The following HPCAL1 variants were observed in gnomAD, a reference collection of about 807,000 sequenced individuals.
The protein encoded by HPCAL1 is hippocalcin-like protein 1.
A neutral mutation model predicts 17.1 loss-of-function variants in HPCAL1; 8 were observed. The observed-to-expected ratio is 0.47, with a 90% CI of 0.27 to 0.84. The LOEUF (loss-of-function observed/expected upper bound fraction) is 0.84, where lower values mean the gene tolerates loss of function less well. Ranked by LOEUF, HPCAL1 falls within the 40% of genes least tolerant of loss-of-function variation. The probability of loss-of-function intolerance (pLI) is 0.13; values close to 1 mark genes in which losing one functional copy is unlikely to be tolerated. For synonymous variants in HPCAL1, 112 were observed against 111.4 expected (o/e 1.01, Z -0.03); for missense variants, 165 against 271.1 (o/e 0.61, Z 2.75).
chr2:10,427,149 A>C lies in HPCAL1; in HGVS notation c.*328A>C, dbSNP rs1671469895. On this transcript the variant is annotated 3_prime_UTR_variant, in exon 5 of 5. Coordinates refer to ENST00000307845, the MANE Select transcript of HPCAL1 (RefSeq NM_002149.4). ...CGAGGAGACCAGGCAGGACCTCCCG[A>C]GGCTGCGCCCCGGCCGGCCCATGCG... 3.5e-6 allele frequency: 1 copy of C among 288,278 alleles called. No individual in the cohort carries two copies. Among genetic ancestry groups the C allele is most frequent in the Non-Finnish European group, 6.6e-6 (1 of 150,528 alleles). 17.9% of individuals were successfully genotyped at this position (288,278 alleles called of 1,614,324 possible).
chr2:10,320,395 C>T (rs1228245396), intron 1 of HPCAL1, among the ~76,000 whole-genome samples: 4 of 152,088 alleles, frequency 2.6e-5, no homozygotes, highest in Non-Finnish European at 5.9e-5. Context: ...TGAGTTCTCA[C>T]GAGATCTGGT....
At chr2:10,309,041 CT>C (rs35367502) in intron 1 of HPCAL1, among the ~76,000 whole-genome samples, 34 of 147,582 alleles carry the variant, frequency 2.3e-4, no homozygotes, top group South Asian at 4.3e-4. Flanking sequence ...TCTTAACAAA[CT>C]TTTTTTTTTT....
At chr2:10,312,439 C>T (rs1663043282) in intron 1 of HPCAL1, among the ~76,000 whole-genome samples, 1 of 151,146 alleles carries the variant, frequency 6.6e-6, no homozygotes, top group Non-Finnish European at 1.5e-5. Context: ...TCATCACTAT[C>T]ATCATTATCA....
Position 10,424,799 on chromosome 2 carries a change from A to T in HPCAL1, c.484+1711A>T, listed in dbSNP as rs3771120. On this transcript the variant is annotated intron_variant, in intron 4 of 4. Coordinates refer to ENST00000307845, the MANE Select transcript of HPCAL1 (RefSeq NM_002149.4). Reference sequence around the variant, plus strand: ...TTCAGGGAGTGGTCCTCGGCCCTCAAAGCTCCTCCGGGGACTGCTCAGGAG... The same window carrying T: ...TTCAGGGAGTGGTCCTCGGCCCTCATAGCTCCTCCGGGGACTGCTCAGGAG... The T allele has an allele frequency of 6.9e-3, 2,568 of 371,072 alleles. 76 individuals are homozygous for T. The highest frequency in any genetic ancestry group is 0.051 in the African/African-American group (2,414 of 47,608). The allele number at this position is 371,072 out of a possible 1,614,324, so 23.0% of individuals were successfully genotyped here.
chr2:10,360,123 C>T (rs547567457), intron 1 of HPCAL1, among the ~76,000 whole-genome samples: 10 of 152,310 alleles, frequency 6.6e-5, no homozygotes, highest in African/African-American at 2.2e-4. Flanking sequence ...TCCTCATTCC[C>T]CCTGGGTAGA....
At chr2:10,372,769 G>A (rs73914063) in intron 1 of HPCAL1, among the ~76,000 whole-genome samples, 1,544 of 152,364 alleles carry the variant, frequency 0.01, 38 homozygotes, top group African/African-American at 0.035. Context: ...GGTGACAGCT[G>A]TTCCTGTTCC....
rs118059699 is a variant in HPCAL1, at chr2:10,309,859, C to T, written c.-111+6682C>T. ...CAGAAATTGTATACCCATTGTACGC[C>T]AGGTAGATCACAAATGACCGTTCTC... On this transcript the variant is annotated intron_variant, in intron 1 of 4. Coordinates refer to ENST00000307845, the MANE Select transcript of HPCAL1 (RefSeq NM_002149.4). Among the ~76,000 whole-genome samples the T allele has an allele frequency of 5.9e-3, 902 of 152,234 alleles. 59 individuals are homozygous for T. In the South Asian group the frequency reaches 0.16, roughly 27 times the overall value.
At chr2:10,389,749 G>C (rs1186248724) in intron 1 of HPCAL1, among the ~76,000 whole-genome samples, 1 of 152,214 alleles carries the variant, frequency 6.6e-6, no homozygotes, top group African/African-American at 2.4e-5. Context: ...ATGGGACTCT[G>C]TTGTGACTGT....
intron 1 of HPCAL1, among the ~76,000 whole-genome samples, chr2:10,374,223 C>T (rs1438201721): frequency 2.6e-5 from 4 of 151,978 alleles, no homozygotes; most frequent in Non-Finnish European, 5.9e-5. Flanking sequence ...AACGCCAGAG[C>T]CCTGGGACAA....
chr2:10,334,695 C>CTTTTTTTTTTTTTTTTTT (rs553228833), intron 1 of HPCAL1, among the ~76,000 whole-genome samples: 6 of 146,328 alleles, frequency 4.1e-5, no homozygotes, highest in East Asian at 1.9e-4. Context: ...ATTCCATTGA[C>CTTTTTTTTTTTTTTTTTT]TTTTTTTTGA....
chr2:10,335,420 C>T lies in HPCAL1; in HGVS notation c.-111+32243C>T, dbSNP rs548645967. On this transcript the variant is annotated intron_variant, in intron 1 of 4. Coordinates refer to ENST00000307845, the MANE Select transcript of HPCAL1 (RefSeq NM_002149.4). ...GTGAGCTTGGAAGCAGATCTCCATCCGCTCCCCACTCCCAGCTGAGCCTTC... is the reference window on the plus strand; with the variant it reads ...GTGAGCTTGGAAGCAGATCTCCATCTGCTCCCCACTCCCAGCTGAGCCTTC... Among the ~76,000 whole-genome samples, 14 of 152,266 alleles carry T rather than the reference C, an allele frequency of 9.2e-5. No homozygotes were observed. In the East Asian group the frequency reaches 1.2e-3, roughly 13 times the overall value.
intron 2 of HPCAL1, among the ~76,000 whole-genome samples, chr2:10,407,840 C>G (rs975793498): frequency 6.6e-6 from 1 of 152,176 alleles, no homozygotes; most frequent in African/African-American, 2.4e-5. Flanking sequence ...CCCAGGAGCT[C>G]CCAGTCTAAT....
At chr2:10,308,319 A>C (rs1360081552) in intron 1 of HPCAL1, among the ~76,000 whole-genome samples, 1 of 152,166 alleles carries the variant, frequency 6.6e-6, no homozygotes, top group South Asian at 2.1e-4. Flanking sequence ...TGTACAGTTT[A>C]ATGATTTTCA....
rs553228833 is a variant in HPCAL1, at chr2:10,334,695, C to CTTTTTTTTTTTTTTTTTTT, written c.-111+31526_-111+31527insTTTTTTTTTTTTTTTTTTT. ...TAACTGCTGTATACAATTCCATTGACTTTTTTTTGAGGCAGGGTCTCGCTC... is the reference window on the plus strand; with the variant it reads ...TAACTGCTGTATACAATTCCATTGACTTTTTTTTTTTTTTTTTTTTTTTTTTTGAGGCAGGGTCTCGCTC... On this transcript the variant is annotated intron_variant, in intron 1 of 4. Transcript: ENST00000307845. Among the ~76,000 whole-genome samples, 4 of 146,422 alleles carry CTTTTTTTTTTTTTTTTTTT rather than the reference C, an allele frequency of 2.7e-5. No homozygotes were observed. The East Asian group carries it at 5.9e-4, about 21-fold the overall frequency.
chr2:10,317,773 G>C (rs962346003), intron 1 of HPCAL1, among the ~76,000 whole-genome samples: 9 of 152,222 alleles, frequency 5.9e-5, no homozygotes, highest in Admixed American at 5.2e-4. Flanking sequence ...GGGGATGCAA[G>C]ATAGAGCAAG....
chr2:10,395,213 T>G lies in HPCAL1; in HGVS notation c.-110-1622T>G, dbSNP rs1412945769. On this transcript the variant is annotated intron_variant, in intron 1 of 4. Transcript: ENST00000307845. The surrounding 1 kb of genome is among the most constrained non-coding windows in gnomAD (Gnocchi z 4.4). ...AGTGAGAATTTCTGGTGGGAAGATG[T>G]ATGACTTTGTCAGGTCTTGAATTCT... is the stretch of plus-strand genomic sequence containing the variant. Among the ~76,000 whole-genome samples, 1 of 152,110 alleles carries G rather than the reference T, an allele frequency of 6.6e-6. No homozygotes were observed. The highest frequency in any genetic ancestry group is 2.4e-5 in the African/African-American group (1 of 41,410).
In HPCAL1 at chr2:10,363,825, C is replaced by T. The variant is rs571147560; in HGVS notation, c.-110-33010C>T. On this transcript the variant is annotated intron_variant, in intron 1 of 4. Coordinates refer to ENST00000307845, the MANE Select transcript of HPCAL1 (RefSeq NM_002149.4). This position sits in a 1 kb window ranked among gnomAD's most constrained non-coding sequence, Gnocchi z 4.7. ...GATGAGTTATTTCCCATCTCTGAGCCTTGGTTCTCTGGTCTGTTAAGTGGC... is the reference window on the plus strand; with the variant it reads ...GATGAGTTATTTCCCATCTCTGAGCTTTGGTTCTCTGGTCTGTTAAGTGGC... Among the ~76,000 whole-genome samples, 5 of 152,346 alleles carry T rather than the reference C, an allele frequency of 3.3e-5. No individual in the cohort carries two copies. In the East Asian group the frequency reaches 9.7e-4, roughly 29 times the overall value.
chr2:10,364,246 C>G, intron 1 of HPCAL1, among the ~76,000 whole-genome samples: 1 of 152,224 alleles, frequency 6.6e-6, no homozygotes, highest in South Asian at 2.1e-4. Flanking sequence ...CCCAGAGCCC[C>G]CACTTCTGCC....
chr2:10,356,758 C>T (rs1220374142), intron 1 of HPCAL1, among the ~76,000 whole-genome samples: 1 of 152,134 alleles, frequency 6.6e-6, no homozygotes, highest in African/African-American at 2.4e-5. Context: ...CCCAGCCATG[C>T]TCTTGGTGTT....
Sources: allele counts gnomAD v4.1 joint callset (sites outside exome capture counted in the v4.1 genomes callset), GRCh38; gene constraint gnomAD v4.1.1; non-coding constraint Gnocchi (gnomAD v3.1); transcripts MANE v1.5; gene names NCBI Gene and HGNC (gene_info 2026-07-23, HGNC 2026-07-21).